The following CNTNAP5 variants were observed in gnomAD, a reference collection of about 807,000 sequenced individuals.
CNTNAP5 encodes contactin associated protein family member 5, also known as contactin-associated protein-like 5.
Under a neutral mutation model 150.2 loss-of-function variants are expected in CNTNAP5, and 72 were observed. That is an observed-to-expected ratio of 0.48 (90% confidence interval 0.40 to 0.58). The LOEUF is 0.58. Ranked by LOEUF, CNTNAP5 falls within the 20% of genes least tolerant of loss-of-function variation. CNTNAP5 has a pLI of 0.00. For missense variants in CNTNAP5, 1,636 were observed against 1,626.2 expected, an observed-to-expected ratio of 1.01 and a Z score of -0.10; for synonymous variants, 672 against 619.8, an observed-to-expected ratio of 1.08 and a Z score of -1.25.
intron 3 of CNTNAP5, among the ~76,000 whole-genome samples, chr2:124,259,231 C>T (rs886907329): frequency 1.3e-5 from 2 of 152,032 alleles, no homozygotes; most frequent in Non-Finnish European, 2.9e-5. Context: ...TGTATATGTG[C>T]CACATTTTCT....
At chr2:124,234,976 G>A (rs1686713053) in intron 2 of CNTNAP5, among the ~76,000 whole-genome samples, 1 of 152,162 alleles carries the variant, frequency 6.6e-6, no homozygotes, top group Non-Finnish European at 1.5e-5. Context: ...CTTGGAAGCT[G>A]AGCAGAGACA....
At chr2:124,893,487 C>T (rs1421985987) in intron 21 of CNTNAP5, among the ~76,000 whole-genome samples, 1 of 152,054 alleles carries the variant, frequency 6.6e-6, no homozygotes, top group Non-Finnish European at 1.5e-5. Context: ...TGTTGTCTTT[C>T]CATGTCTTAA....
chr2:124,434,385 A>C (rs891496477), intron 4 of CNTNAP5, 99 bp from the exon 5 acceptor site: 10 of 944,980 alleles, frequency 1.1e-5, no homozygotes, highest in Non-Finnish European at 1.7e-5. Flanking sequence ...GATCTCAAGA[A>C]CATTTCTGTG....
intron 13 of CNTNAP5, among the ~76,000 whole-genome samples, chr2:124,655,431 T>A (rs973209095): frequency 1.6e-4 from 24 of 152,112 alleles, no homozygotes; most frequent in Admixed American, 5.9e-4. Context: ...TCTTTGTTAC[T>A]GTAAATAGTG....
intron 19 of CNTNAP5, among the ~76,000 whole-genome samples, chr2:124,840,044 G>T (rs79203173): frequency 0.015 from 2,262 of 152,150 alleles, 47 homozygotes; most frequent in African/African-American, 0.052. Flanking sequence ...CAGGTATTTA[G>T]GCAGCACTTA....
intron 10 of CNTNAP5, among the ~76,000 whole-genome samples, chr2:124,547,657 G>T (rs937315629): frequency 3.3e-5 from 5 of 152,168 alleles, no homozygotes; most frequent in Admixed American, 1.3e-4. Context: ...CCTTGGCCAG[G>T]GTGGCTGGTC....
Position 124,524,346 on chromosome 2 carries a change from C to T in CNTNAP5, c.1371C>T (p.Asn457=), listed in dbSNP as rs370061005. ...NDGLWHSVSI[N]ARRNRITLTL... ...GCCTGTGGCACTCGGTTAGCATCAA[C>T]GCCAGGAGGAACCGCATCACGCTCA... The change falls in exon 9 of 24, where the codon AAC becomes AAT. Residue 457 remains asparagine, a synonymous_variant. Coordinates refer to ENST00000682447, the MANE Select transcript of CNTNAP5 (RefSeq NM_001367498.1). 1.3e-5 allele frequency: 21 copies of T among 1,613,730 alleles called. No individual in the cohort carries two copies. The African/African-American group carries it at 1.3e-4, about 10-fold the overall frequency.
intron 7 of CNTNAP5, among the ~76,000 whole-genome samples, chr2:124,480,134 C>T (rs1693732030): frequency 6.6e-6 from 1 of 152,180 alleles, no homozygotes. Context: ...TTTCCTGAAT[C>T]TGAGTTTCTG....
At chr2:124,494,596 T>C (rs1031070716) in intron 7 of CNTNAP5, among the ~76,000 whole-genome samples, 16 of 152,204 alleles carry the variant, frequency 1.1e-4, no homozygotes, top group Admixed American at 9.8e-4. Context: ...AGTTGACACC[T>C]ACATTTAACC....
chr2:124,874,919 A>G (rs1293173552), intron 21 of CNTNAP5, among the ~76,000 whole-genome samples: 3 of 152,002 alleles, frequency 2.0e-5, no homozygotes, highest in Admixed American at 6.6e-5. Flanking sequence ...TTCTGCTCCA[A>G]TGGCTGTTTG....
chr2:124,142,893 G>A (rs1275129016), intron 1 of CNTNAP5, among the ~76,000 whole-genome samples: 1 of 149,738 alleles, frequency 6.7e-6, no homozygotes, highest in African/African-American at 2.5e-5. Flanking sequence ...TAGACCGCTA[G>A]CAAGACTAAT....
intron 13 of CNTNAP5, among the ~76,000 whole-genome samples, chr2:124,691,120 A>G (rs904846742): frequency 3.9e-5 from 6 of 152,120 alleles, no homozygotes; most frequent in Non-Finnish European, 5.9e-5. Context: ...GAAGGCTATG[A>G]TCTAATGCAA....
At chr2:124,603,467 T>C (rs529229675) in intron 11 of CNTNAP5, among the ~76,000 whole-genome samples, 1 of 152,326 alleles carries the variant, frequency 6.6e-6, no homozygotes, top group Non-Finnish European at 1.5e-5. Context: ...AATATCCCAT[T>C]AATGTTTCAA....
chr2:124,696,826 T>C (rs1299844927), intron 13 of CNTNAP5, among the ~76,000 whole-genome samples: 3 of 152,122 alleles, frequency 2.0e-5, no homozygotes. Flanking sequence ...ATAAGTACAT[T>C]TTTCTTGTAA....
Position 124,563,226 on chromosome 2 carries a change from A to C in CNTNAP5, c.1659A>C (p.Pro553=), listed in dbSNP as rs765378932. Reference sequence around the variant, plus strand: ...TGTTTTCTTCCATTAGGTGTTTGCCAAACTACTGTGAACATGGAGGAAGCT... The same window carrying C: ...TGTTTTCTTCCATTAGGTGTTTGCCCAACTACTGTGAACATGGAGGAAGCT... ...DLCSIKDRCL[P]NYCEHGGSCS... The change falls in exon 11 of 24, where the codon CCA becomes CCC. Residue 553 remains proline (P), a synonymous_variant. Transcript: ENST00000682447. 3.8e-6 allele frequency: 6 copies of C among 1,589,052 alleles called. No homozygotes were observed. In the East Asian group the frequency reaches 1.4e-4, roughly 36 times the overall value.
At chr2:124,344,233 A>C (rs549441907) in intron 3 of CNTNAP5, among the ~76,000 whole-genome samples, 1 of 152,302 alleles carries the variant, frequency 6.6e-6, no homozygotes, top group South Asian at 2.1e-4. Flanking sequence ...CAAACAAAAA[A>C]TGCAATCATA....
At chr2:124,224,058 C>T (rs1686397205) in intron 2 of CNTNAP5, among the ~76,000 whole-genome samples, 1 of 151,934 alleles carries the variant, frequency 6.6e-6, no homozygotes, top group African/African-American at 2.4e-5. Context: ...ACCTGGAGAG[C>T]TTTGCAAGGA....
rs554259682 is a variant in CNTNAP5 at position 124,794,146 on chromosome 2, G to T, written c.2993-3950G>T. 2.3e-3 allele frequency among the ~76,000 whole-genome samples: 356 copies of T among 152,180 alleles called. 5 individuals carry two copies. The highest frequency in any genetic ancestry group is 7.6e-3 in the African/African-American group (316 of 41,486). On this transcript the variant is annotated intron_variant, in intron 18 of 23. Coordinates refer to ENST00000682447, the MANE Select transcript of CNTNAP5 (RefSeq NM_001367498.1). ...TAATGATTGCAATATGTTCCATCTG[G>T]TGCTACTACCTTCTCTTGTTTAATC... is the stretch of plus-strand genomic sequence containing the variant.
intron 8 of CNTNAP5, among the ~76,000 whole-genome samples, chr2:124,517,675 G>A (rs1046475888): frequency 6.7e-6 from 1 of 149,882 alleles, no homozygotes; most frequent in African/African-American, 2.5e-5. Context: ...GGTGATGGAG[G>A]GTTGTGGTGT....
Sources: allele counts gnomAD v4.1 joint callset (sites outside exome capture counted in the v4.1 genomes callset), GRCh38; gene constraint gnomAD v4.1.1; transcripts MANE v1.5; gene names NCBI Gene and HGNC (gene_info 2026-07-23, HGNC 2026-07-21).